The following OTOA variants were observed in gnomAD, a reference collection of about 807,000 sequenced individuals.
OTOA encodes otoancorin.
In OTOA, 70 loss-of-function variants were observed where a neutral mutation model predicts 110.8. That is an observed-to-expected ratio of 0.63 (90% CI 0.52 to 0.77). The LOEUF (loss-of-function observed/expected upper bound fraction) is 0.77. OTOA is among the 30% of genes least tolerant of loss of function. The pLI is 0.00. For missense variants in OTOA, 917 were observed against 1,075.8 expected, an observed-to-expected ratio of 0.85 and a Z score of 2.06; for synonymous variants, 373 against 431.5, an observed-to-expected ratio of 0.86 and a Z score of 1.68.
intron 17 of OTOA, among the ~76,000 whole-genome samples, chr16:21,722,400 A>AACTG (rs1555500657): frequency 6.7e-6 from 1 of 148,376 alleles, no homozygotes; most frequent in Non-Finnish European, 1.5e-5. Context: ...GTTAAGCTAT[A>AACTG]TATAACTATA....
At position 21,758,876 on chromosome 16, in the gene OTOA, C is replaced by T. The variant is rs1044079102; in HGVS notation, c.3350-1594C>T. 5.3e-5 allele frequency among the ~76,000 whole-genome samples: 8 copies of T among 151,554 alleles called. 1 individual carries two copies. Among genetic ancestry groups the T allele is most frequent in the Non-Finnish European group, 8.8e-5 (6 of 67,966 alleles). On this transcript the variant is annotated intron_variant, in intron 28 of 28. Coordinates refer to ENST00000646100, the MANE Select transcript of OTOA (RefSeq NM_144672.4). Reference sequence around the variant, plus strand: ...AATTAGCCGGGTGTGGTGGGGGGCACCTGTAATCCCAGCTATTCGGGAGGC... The same window carrying T: ...AATTAGCCGGGTGTGGTGGGGGGCATCTGTAATCCCAGCTATTCGGGAGGC...
intron 15 of OTOA, among the ~76,000 whole-genome samples, chr16:21,717,812 C>G (rs552915397): frequency 2.6e-4 from 40 of 152,216 alleles, no homozygotes; most frequent in African/African-American, 9.4e-4. Flanking sequence ...GCTGAGTGTG[C>G]AAAAGTGAAT....
At chr16:21,737,825 A>G (rs1352886480) in intron 22 of OTOA, among the ~76,000 whole-genome samples, 60 of 152,266 alleles carry the variant, frequency 3.9e-4, no homozygotes, top group Non-Finnish European at 6.2e-4. Flanking sequence ...TCCAAGTGTT[A>G]GATATTTTAT....
chr16:21,689,020 A>G (rs956909256), intron 8 of OTOA, among the ~76,000 whole-genome samples: 5 of 152,312 alleles, frequency 3.3e-5, no homozygotes, highest in South Asian at 2.1e-4. Context: ...TTGAGATGCC[A>G]TGCCAGCTTA....
chr16:21,702,744 C>T (rs923826894), intron 11 of OTOA, among the ~76,000 whole-genome samples: 13 of 152,128 alleles, frequency 8.5e-5, no homozygotes, highest in African/African-American at 3.1e-4. Flanking sequence ...AGCACAATCT[C>T]GGCTTACTGC....
Position 21,685,002 on chromosome 16 carries a change from G to A in OTOA, c.268-228G>A, listed in dbSNP as rs576246211. ...CTTCACCTCGTGATCCACCCGCCTC[G>A]GCCTCCCAAAGTGCTGGGATTACAG... On this transcript the variant is annotated intron_variant, in intron 6 of 28. Coordinates refer to ENST00000646100, the MANE Select transcript of OTOA (RefSeq NM_144672.4). Among the ~76,000 whole-genome samples, 3 of 152,004 alleles carry A rather than the reference G, an allele frequency of 2.0e-5. No individual in the cohort carries two copies. The East Asian group carries it at 5.8e-4, about 29-fold the overall frequency.
intron 16 of OTOA, 78 bp from the exon 17 acceptor site, chr16:21,719,309 A>T: frequency 6.4e-7 from 1 of 1,551,440 alleles, no homozygotes. Flanking sequence ...GTATCTGATC[A>T]TATCTGCCTT....
At chr16:21,702,288 T>G (rs1355293170) in intron 11 of OTOA, among the ~76,000 whole-genome samples, 3 of 152,192 alleles carry the variant, frequency 2.0e-5, no homozygotes, top group Non-Finnish European at 2.9e-5. Context: ...CAAGGTCTTA[T>G]TATTGCCACA....
chr16:21,727,515 C>T (rs1392030718), intron 19 of OTOA, among the ~76,000 whole-genome samples: 2 of 152,174 alleles, frequency 1.3e-5, no homozygotes, highest in Non-Finnish European at 1.5e-5. Context: ...ATACTCAGGA[C>T]GGTGCCCGCA....
chr16:21,673,628 C>G (rs1174727733), intron 1 of OTOA, among the ~76,000 whole-genome samples: 2 of 152,150 alleles, frequency 1.3e-5, no homozygotes, highest in Non-Finnish European at 2.9e-5. Flanking sequence ...TTGCCTGTAT[C>G]AATAGTTCAT....
chr16:21,664,898 G>T (rs1315778390), intron 1 of OTOA, among the ~76,000 whole-genome samples: 1 of 152,014 alleles, frequency 6.6e-6, no homozygotes. Flanking sequence ...CATCAATCCG[G>T]CAGGTGGAGG....
At position 21,716,940 on chromosome 16, in the gene OTOA, G is replaced by A. The variant is rs150415498; in HGVS notation, c.1522G>A (p.Val508Met). 2.2e-3 allele frequency: 3,504 copies of A among 1,614,006 alleles called. 13 individuals are homozygous for A. Among genetic ancestry groups the A allele is most frequent in the Non-Finnish European group, 2.5e-3 (2,938 of 1,180,000 alleles). The change falls in exon 15 of 29, where the codon GTG becomes ATG. Residue 508 changes from valine to methionine, a missense_variant. Physicochemically the swap from Val to Met is conservative, Grantham distance 21. Transcript: ENST00000646100. ...VQAEDTAPGIVEIQGAFFKEV... is the reference protein window; with the variant it reads ...VQAEDTAPGIMEIQGAFFKEV... The stretch of plus-strand genomic sequence containing the variant: ...AGCGGAAGACACTGCCCCAGGCATC[G>A]TGGAGATACAAGGGGCTTTCTTTAA...
intron 17 of OTOA, chr16:21,721,225 T>C (rs998716106): frequency 7.2e-6 from 3 of 416,288 alleles, no homozygotes; most frequent in Non-Finnish European, 1.5e-5. Flanking sequence ...TGAAAACACA[T>C]AATTATTACA....
chr16:21,705,112 A>C, intron 11 of OTOA, 57 bp from the exon 12 acceptor site: 1 of 1,613,914 alleles, frequency 6.2e-7, no homozygotes, highest in Non-Finnish European at 8.5e-7. Context: ...AAATTGAACC[A>C]GAATGGGCTG....
At chr16:21,699,347 T>C (rs184280967) in intron 10 of OTOA, among the ~76,000 whole-genome samples, 1 of 152,286 alleles carries the variant, frequency 6.6e-6, no homozygotes, top group African/African-American at 2.4e-5. Context: ...TCTCAAAATA[T>C]AGAATGTGCC....
At position 21,695,886 on chromosome 16, in the gene OTOA, TATATA is replaced by T. The variant is rs1374816003; in HGVS notation, c.740-1888_740-1884del. On this transcript the variant is annotated intron_variant, in intron 9 of 28. Coordinates refer to ENST00000646100, the MANE Select transcript of OTOA (RefSeq NM_144672.4). ...CTTGAGATATATATATATATATATA[TATATA>T]TTTTTTTTTTTTTTTTTTTCTGAGA... 1.7e-3 allele frequency among the ~76,000 whole-genome samples: 103 copies of T among 60,828 alleles called. 1 individual carries two copies. In the South Asian group the frequency reaches 0.057, roughly 34 times the overall value. 39.9% of individuals were successfully genotyped at this position (60,828 alleles called of 152,430 possible).
In OTOA at chr16:21,716,951, A is replaced by G; in HGVS notation, c.1533A>G (p.Gln511=). Residue 511 remains glutamine (Q), a synonymous_variant, in exon 15 of 29, where the codon CAA becomes CAG. Transcript: ENST00000646100. Reference sequence around the variant, plus strand: ...CTGCCCCAGGCATCGTGGAGATACAAGGGGCTTTCTTTAAGGAAGTGTCTC... The same window carrying G: ...CTGCCCCAGGCATCGTGGAGATACAGGGGGCTTTCTTTAAGGAAGTGTCTC... The part of the protein sequence containing the change: ...EDTAPGIVEI[Q]GAFFKEVSLF... 6.2e-7 allele frequency: 1 copy of G among 1,613,974 alleles called. No homozygotes were observed. The highest frequency in any genetic ancestry group is 8.5e-7 in the Non-Finnish European group (1 of 1,179,984).
At chr16:21,757,474 T>C (rs1900031136) in intron 28 of OTOA, among the ~76,000 whole-genome samples, 197 bp downstream of exon 28, 2 of 152,268 alleles carry the variant, frequency 1.3e-5, no homozygotes, top group African/African-American at 2.4e-5. Context: ...TTCTCAACTA[T>C]GGCTGCCCTT....
chr16:21,721,949 C>G (rs934330330), intron 17 of OTOA, among the ~76,000 whole-genome samples: 3 of 151,510 alleles, frequency 2.0e-5, no homozygotes, highest in Non-Finnish European at 4.4e-5. Flanking sequence ...GTGGGCCGGG[C>G]ACAGTGGCTC....
Sources: allele counts gnomAD v4.1 joint callset (sites outside exome capture counted in the v4.1 genomes callset), GRCh38; gene constraint gnomAD v4.1.1; transcripts MANE v1.5; gene names NCBI Gene and HGNC (gene_info 2026-07-23, HGNC 2026-07-21).